Variants in APBA1 observed in about 807,000 individuals in gnomAD.
The protein encoded by APBA1 is amyloid beta precursor protein binding family A member 1, also known as amyloid-beta A4 precursor protein-binding family A member 1.
A neutral mutation model predicts 86.6 loss-of-function variants in APBA1; 55 were observed. That is an observed-to-expected ratio of 0.64 (90% confidence interval 0.51 to 0.80). The LOEUF is 0.80. APBA1 is among the 30% of genes least tolerant of loss of function. The pLI, the probability that APBA1 is intolerant of heterozygous loss-of-function variation, is 0.00. For synonymous variants in APBA1, 511 were observed against 493.9 expected (o/e 1.03, Z -0.46); for missense variants, 1,090 against 1,183.0 (o/e 0.92, Z 1.15).
intron 2 of APBA1, among the ~76,000 whole-genome samples, chr9:69,497,243 T>C (rs1835813831): frequency 6.6e-6 from 1 of 151,300 alleles, no homozygotes; most frequent in Admixed American, 6.6e-5. Flanking sequence ...ACAAAGGCGG[T>C]TGAGATGGAA....
chr9:69,578,881 C>A (rs1564082590), intron 1 of APBA1, among the ~76,000 whole-genome samples: 1 of 152,158 alleles, frequency 6.6e-6, no homozygotes, highest in Non-Finnish European at 1.5e-5. Context: ...CACCATTGTA[C>A]CCAGCACCAT....
chr9:69,540,143 A>ACAACAACAACAG (rs1836581663), intron 1 of APBA1, among the ~76,000 whole-genome samples: 1 of 151,416 alleles, frequency 6.6e-6, no homozygotes, highest in Non-Finnish European at 1.5e-5. Context: ...AACAACAACA[A>ACAACAACAACAG]CAACAACAAC....
intron 2 of APBA1, among the ~76,000 whole-genome samples, chr9:69,514,820 T>G (rs1053359456): frequency 6.6e-6 from 1 of 151,808 alleles, no homozygotes; most frequent in Admixed American, 6.6e-5. Context: ...TGAGGTAGAA[T>G]TGCTTGAACC....
At chr9:69,533,626 C>T (rs1166698872) in intron 1 of APBA1, among the ~76,000 whole-genome samples, 2 of 152,118 alleles carry the variant, frequency 1.3e-5, no homozygotes, top group Non-Finnish European at 2.9e-5. Context: ...AGAGTGATGT[C>T]TCTGTTCACA....
intron 1 of APBA1, among the ~76,000 whole-genome samples, chr9:69,551,969 G>A (rs1356214723): frequency 6.6e-6 from 1 of 152,186 alleles, no homozygotes; most frequent in African/African-American, 2.4e-5. Flanking sequence ...ACACAGGAGG[G>A]GAAGAACTGA....
chr9:69,536,708 A>G (rs1427797575), intron 1 of APBA1, among the ~76,000 whole-genome samples: 9 of 146,898 alleles, frequency 6.1e-5, no homozygotes, highest in East Asian at 2.0e-4. Flanking sequence ...CTCTACTAAA[A>G]AAAAAAAAAA....
At chr9:69,541,536 C>G (rs1156294844) in intron 1 of APBA1, among the ~76,000 whole-genome samples, 1 of 136,214 alleles carries the variant, frequency 7.3e-6, no homozygotes, top group African/African-American at 2.6e-5. Flanking sequence ...GTTATTTGCT[C>G]TCTTTTTTGC....
chr9:69,472,899 A>G (rs1461057323), intron 3 of APBA1, among the ~76,000 whole-genome samples: 1 of 152,220 alleles, frequency 6.6e-6, no homozygotes, highest in African/African-American at 2.4e-5. Context: ...TAAAAATAGT[A>G]GTTTTAATTG....
chr9:69,637,626 C>G (rs1444449561), intron 1 of APBA1, among the ~76,000 whole-genome samples: 1 of 152,204 alleles, frequency 6.6e-6, no homozygotes, highest in Non-Finnish European at 1.5e-5. Context: ...CGTGGCACAG[C>G]AGACACAGGC....
chr9:69,584,596 C>T (rs572477063), intron 1 of APBA1, among the ~76,000 whole-genome samples: 1 of 152,296 alleles, frequency 6.6e-6, no homozygotes, highest in Non-Finnish European at 1.5e-5. Flanking sequence ...ACAACTATTA[C>T]AAAGATGAGC....
chr9:69,619,469 TAAAG>T (rs1457112056), intron 1 of APBA1, among the ~76,000 whole-genome samples: 1 of 152,200 alleles, frequency 6.6e-6, no homozygotes, highest in Non-Finnish European at 1.5e-5. Context: ...CCCTCAGCCA[TAAAG>T]AACAAATGAA....
At chr9:69,531,674 A>T (rs1836435811) in intron 1 of APBA1, among the ~76,000 whole-genome samples, 1 of 152,138 alleles carries the variant, frequency 6.6e-6, no homozygotes, top group Non-Finnish European at 1.5e-5. Flanking sequence ...TCAGTAGGAG[A>T]AGTTGCCCAA....
chr9:69,439,210 C>T (rs984840085), intron 11 of APBA1, among the ~76,000 whole-genome samples: 11 of 118,646 alleles, frequency 9.3e-5, no homozygotes, highest in East Asian at 4.6e-4. Context: ...CTGCCCTTAA[C>T]GTTTTTTCCT....
chr9:69,626,264 T>TTTTGGCCACAGGG (rs1306950690), intron 1 of APBA1, among the ~76,000 whole-genome samples: 2 of 152,146 alleles, frequency 1.3e-5, no homozygotes, highest in African/African-American at 4.8e-5. Flanking sequence ...GTGCCTCAGA[T>TTTTGGCCACAGGG]TTTGGCCACA....
Position 69,467,817 on chromosome 9 carries a change from C to T in APBA1, c.1482+6G>A, listed in dbSNP as rs747494825. Reference sequence around the variant, plus strand: ...TGTCCCTGTTGGAGCACCCAGATGTCCTCACCTTGATCCTGCTTACGGCTT... The same window carrying T: ...TGTCCCTGTTGGAGCACCCAGATGTTCTCACCTTGATCCTGCTTACGGCTT... On this transcript the variant is annotated splice_donor_region_variant and intron_variant, in intron 5 of 12. Coordinates refer to ENST00000265381, the MANE Select transcript of APBA1 (RefSeq NM_001163.4). 2.5e-6 allele frequency: 4 copies of T among 1,614,036 alleles called. No individual in the cohort carries two copies. In the South Asian group the frequency reaches 3.3e-5, roughly 13 times the overall value.
intron 2 of APBA1, among the ~76,000 whole-genome samples, chr9:69,514,724 C>T (rs547888674): frequency 2.1e-3 from 316 of 152,154 alleles, no homozygotes; most frequent in Non-Finnish European, 3.3e-3. Flanking sequence ...GCCTGGCCAA[C>T]GTTATGAAAC....
At chr9:69,584,846 T>G (rs893328796) in intron 1 of APBA1, among the ~76,000 whole-genome samples, 1 of 152,222 alleles carries the variant, frequency 6.6e-6, no homozygotes, top group African/African-American at 2.4e-5. Flanking sequence ...AAAGGAATGA[T>G]CATTTCATTA....
intron 1 of APBA1, among the ~76,000 whole-genome samples, chr9:69,607,855 TTAG>T (rs1822508314): frequency 6.6e-6 from 1 of 152,194 alleles, no homozygotes; most frequent in African/African-American, 2.4e-5. Context: ...TGGTTAAGCC[TTAG>T]TTTCCTTATC....
At chr9:69,469,774 G>C (rs989548350) in intron 4 of APBA1, among the ~76,000 whole-genome samples, 1 of 152,164 alleles carries the variant, frequency 6.6e-6, no homozygotes, top group Non-Finnish European at 1.5e-5. Context: ...AAGATTGTCA[G>C]TTCTTCTATG....
Sources: gnomAD v4.1 joint callset for allele counts (sites outside exome capture counted in the v4.1 genomes callset) on GRCh38, gnomAD v4.1.1 for gene constraint, MANE v1.5 for transcripts, NCBI Gene and HGNC (gene_info 2026-07-23, HGNC 2026-07-21) for gene names.